MRTFB: variants seen among roughly 807,000 people sequenced by gnomAD.
MRTFB encodes the protein myocardin-related transcription factor B.
A neutral mutation model predicts 104.2 loss-of-function variants in MRTFB; 29 were observed. The ratio of observed to expected loss-of-function variants is 0.28; its 90% CI spans 0.21 to 0.38. The LOEUF (loss-of-function observed/expected upper bound fraction) is 0.38. Ranked by LOEUF, MRTFB falls within the 10% of genes least tolerant of loss-of-function variation. The pLI is 1.00. For synonymous variants in MRTFB, 535 were observed against 519.5 expected (o/e 1.03, Z -0.41); for missense variants, 1,270 against 1,341.6 (o/e 0.95, Z 0.83).
At chr16:14,143,053 G>A (rs1400876922) in intron 3 of MRTFB, 1 of 151,812 alleles carries the variant, frequency 6.6e-6, no homozygotes, top group Admixed American at 6.6e-5. Context: ...TAGAACCCCT[G>A]TGCATCATCC....
At chr16:14,230,826 A>T (rs2042225135) in intron 8 of MRTFB, among the ~76,000 whole-genome samples, 1 of 151,880 alleles carries the variant, frequency 6.6e-6, no homozygotes, top group Non-Finnish European at 1.5e-5. Flanking sequence ...ATAAAGACAC[A>T]TGCACACGTA....
the MRTFB span, among the ~76,000 whole-genome samples, chr16:14,047,924 A>C: frequency 6.6e-6 from 1 of 152,188 alleles, no homozygotes; most frequent in Non-Finnish European, 1.5e-5. Flanking sequence ...CCAAAGTCTT[A>C]ACTCATTTCA....
chr16:14,145,256 ATAT>A (rs764666148), intron 3 of MRTFB, among the ~76,000 whole-genome samples: 33 of 152,102 alleles, frequency 2.2e-4, no homozygotes, highest in Non-Finnish European at 3.5e-4. Flanking sequence ...TATTGTTTAG[ATAT>A]TATGAAATAA....
rs149935605 is a variant in MRTFB at position 14,218,703 on chromosome 16, A to G, written c.515-117A>G. The stretch of plus-strand genomic sequence containing the variant: ...TGCACTGGGAGGTACATTGTGTTCA[A>G]TTTTTTTTTTAAGCAGCTTCATAAA... On this transcript the variant is annotated intron_variant, in intron 7 of 16. Coordinates refer to ENST00000571589, the MANE Select transcript of MRTFB (RefSeq NM_001308142.2). 338 of 939,006 alleles carry G rather than the reference A, an allele frequency of 3.6e-4. No homozygotes were observed. In the African/African-American group the frequency reaches 4.9e-3, roughly 14 times the overall value. The allele number at this position is 939,006 out of a possible 1,614,324, so 58.2% of individuals were successfully genotyped here.
At chr16:14,033,996 G>A in the MRTFB span, among the ~76,000 whole-genome samples, 1 of 152,154 alleles carries the variant, frequency 6.6e-6, no homozygotes, top group Non-Finnish European at 1.5e-5. Context: ...CGCTGTGTGT[G>A]GCTATGAGTG....
At chr16:14,144,121 G>A (rs9935670) in intron 3 of MRTFB, 35,484 of 152,000 alleles carry the variant, frequency 0.23, 7,874 homozygotes, top group African/African-American at 0.57. Context: ...ATTTCTGTAA[G>A]CCTGAAAGTA....
chr16:14,187,727 C>T (rs571398175), intron 3 of MRTFB, among the ~76,000 whole-genome samples: 68 of 152,360 alleles, frequency 4.5e-4, no homozygotes, highest in African/African-American at 1.5e-3. Flanking sequence ...CATACAGAAG[C>T]ATGGCAAGAC....
intron 8 of MRTFB, among the ~76,000 whole-genome samples, chr16:14,220,084 C>T (rs1178905212): frequency 1.3e-5 from 2 of 152,136 alleles, no homozygotes; most frequent in Non-Finnish European, 2.9e-5. Flanking sequence ...TCCGATTGTC[C>T]TCTCCAAGTT....
At chr16:14,186,656 G>C (rs917179288) in intron 3 of MRTFB, 1 of 1,257,906 alleles carries the variant, frequency 7.9e-7, no homozygotes, top group Non-Finnish European at 1.0e-6. Context: ...TTTTAGAATC[G>C]TGCCTGTGTG....
At chr16:14,168,436 T>G (rs2039320472) in intron 3 of MRTFB, among the ~76,000 whole-genome samples, 1 of 152,212 alleles carries the variant, frequency 6.6e-6, no homozygotes, top group Non-Finnish European at 1.5e-5. Context: ...CTGTTGTGGT[T>G]TTGTTCACCA....
At chr16:14,110,213 G>A (rs1013365648) in intron 2 of MRTFB, among the ~76,000 whole-genome samples, 1 of 152,222 alleles carries the variant, frequency 6.6e-6, no homozygotes, top group Admixed American at 6.5e-5. Context: ...CAGACCAGCA[G>A]CCTTGAAGCC....
chr16:14,000,328 T>C, the MRTFB span, among the ~76,000 whole-genome samples: 1 of 152,196 alleles, frequency 6.6e-6, no homozygotes, highest in Non-Finnish European at 1.5e-5. Context: ...TACATCTATC[T>C]GTCTACACCT....
the MRTFB span, among the ~76,000 whole-genome samples, chr16:14,008,511 A>G: frequency 6.6e-6 from 1 of 152,180 alleles, no homozygotes; most frequent in Non-Finnish European, 1.5e-5. Flanking sequence ...GTGAAGGTTT[A>G]TTTCTGGACT....
chr16:14,041,873 C>T, the MRTFB span, among the ~76,000 whole-genome samples: 1 of 151,970 alleles, frequency 6.6e-6, no homozygotes, highest in African/African-American at 2.4e-5. Flanking sequence ...TTGCAGAGAG[C>T]CAAGATTGCG....
chr16:14,150,366 A>C (rs1276558359), intron 3 of MRTFB, among the ~76,000 whole-genome samples: 1 of 152,152 alleles, frequency 6.6e-6, no homozygotes, highest in African/African-American at 2.4e-5. Context: ...TAGGGGTTGG[A>C]GCACTGACCC....
chr16:14,246,028 A>G (rs1029630890), intron 11 of MRTFB, among the ~76,000 whole-genome samples: 4 of 152,056 alleles, frequency 2.6e-5, no homozygotes, highest in Admixed American at 6.6e-5. Context: ...GCCTTCTATT[A>G]TCTGTGGTAC....
chr16:13,995,309 G>GT, the MRTFB span, among the ~76,000 whole-genome samples: 6 of 152,000 alleles, frequency 3.9e-5, no homozygotes, highest in South Asian at 2.1e-4. Context: ...GTTTTGTTTT[G>GT]TTTTTTTCAG....
chr16:14,096,253 A>G (rs185594207), intron 2 of MRTFB, among the ~76,000 whole-genome samples: 84 of 152,118 alleles, frequency 5.5e-4, no homozygotes, highest in Non-Finnish European at 1.0e-3. Flanking sequence ...TTGTATTTCT[A>G]GTAGAGACAG....
At chr16:14,155,683 AG>A (rs1234629134) in intron 3 of MRTFB, among the ~76,000 whole-genome samples, 1 of 152,128 alleles carries the variant, frequency 6.6e-6, no homozygotes, top group Admixed American at 6.5e-5. Context: ...CTCCCCTTAA[AG>A]GTATCTCTGC....
Sources: gnomAD v4.1 joint callset for allele counts (sites outside exome capture counted in the v4.1 genomes callset) on GRCh38, gnomAD v4.1.1 for gene constraint, MANE v1.5 for transcripts, NCBI Gene and HGNC (gene_info 2026-07-23, HGNC 2026-07-21) for gene names.